DARS1: variants seen among roughly 807,000 people sequenced by gnomAD.
DARS1 encodes the protein aspartate--tRNA ligase, cytoplasmic.
DARS1 carries 51 observed loss-of-function variants against 68.8 expected under a neutral mutation model. The observed-to-expected ratio is 0.74, with a 90% CI of 0.59 to 0.94. The LOEUF (loss-of-function observed/expected upper bound fraction) is 0.94. DARS1 is among the 40% of genes least tolerant of loss of function. DARS1 has a pLI of 0.00. For missense variants in DARS1, 607 were observed against 597.3 expected, an observed-to-expected ratio of 1.02 and a Z score of -0.17; for synonymous variants, 203 against 190.4, an observed-to-expected ratio of 1.07 and a Z score of -0.55.
intron 3 of DARS1, among the ~76,000 whole-genome samples, chr2:135,965,406 A>G (rs1210433817): frequency 6.6e-6 from 1 of 152,214 alleles, no homozygotes; most frequent in Non-Finnish European, 1.5e-5. Flanking sequence ...GCAATAGACC[A>G]AAACAGATAA....
chr2:135,966,534 TTTTTG>T (rs996608129), intron 3 of DARS1, among the ~76,000 whole-genome samples: 10 of 152,268 alleles, frequency 6.6e-5, no homozygotes, highest in South Asian at 2.1e-4. Context: ...ATTTTATTTG[TTTTTG>T]TTTTGTTTTG....
At chr2:135,969,629 G>C (rs1263501310) in intron 3 of DARS1, among the ~76,000 whole-genome samples, 1 of 145,442 alleles carries the variant, frequency 6.9e-6, no homozygotes, top group African/African-American at 2.5e-5. Flanking sequence ...AAAAAAAAAA[G>C]CCACCCGCAC....
chr2:135,913,290 C>T (rs1477936962), intron 12 of DARS1, among the ~76,000 whole-genome samples: 1 of 152,014 alleles, frequency 6.6e-6, no homozygotes, highest in African/African-American at 2.4e-5. Flanking sequence ...CATTGAAAAA[C>T]ATGGATTATC....
intron 4 of DARS1, among the ~76,000 whole-genome samples, chr2:135,958,335 A>C (rs1682021959): frequency 6.6e-6 from 1 of 152,196 alleles, no homozygotes; most frequent in African/African-American, 2.4e-5. Context: ...TAAACAAGTG[A>C]CCTCAAAGAT....
intron 5 of DARS1, among the ~76,000 whole-genome samples, chr2:135,939,578 C>T (rs1195699217): frequency 6.6e-6 from 1 of 151,844 alleles, no homozygotes; most frequent in Admixed American, 6.6e-5. Flanking sequence ...AAATTGACAC[C>T]CTAACATCAC....
In DARS1 at chr2:135,923,136, C is replaced by A. The variant is rs1575386545; in HGVS notation, c.677-218G>T. 3.9e-5 allele frequency among the ~76,000 whole-genome samples: 6 copies of A among 152,192 alleles called. No homozygotes were observed. In the Middle Eastern group the frequency reaches 0.014, roughly 345 times the overall value. On this transcript the variant is annotated intron_variant, in intron 8 of 15. Coordinates refer to ENST00000264161, the MANE Select transcript of DARS1 (RefSeq NM_001349.4). ...TACTTCTTTGGCTATGCTTTTATTTCACTTCTGTGGATATATATGCTCCCT... is the reference window on the plus strand; with the variant it reads ...TACTTCTTTGGCTATGCTTTTATTTAACTTCTGTGGATATATATGCTCCCT...
intron 5 of DARS1, 33 bp from the exon 6 acceptor site, chr2:135,934,023 A>C: frequency 6.3e-7 from 1 of 1,599,184 alleles, no homozygotes; most frequent in Non-Finnish European, 8.5e-7. Flanking sequence ...AATAGTAGAA[A>C]GCACACAAAA....
chr2:135,920,484 T>G lies in DARS1; in HGVS notation c.928A>C (p.Met310Leu). Residue 310 changes from methionine (M) to leucine (L), a missense_variant, in exon 10 of 16, where the codon ATG (methionine) becomes CTG (leucine). Met to Leu is a conservative substitution (Grantham distance 15). Coordinates refer to ENST00000264161, the MANE Select transcript of DARS1 (RefSeq NM_001349.4). Reference sequence around the variant, plus strand: ...TGAAGTCCTTTGAATATTTGTACCATGGTGTCAGCAATTTCTTCCATAACT... The same window carrying G: ...TGAAGTCCTTTGAATATTTGTACCAGGGTGTCAGCAATTTCTTCCATAACT... ...HEVMEEIADT[M>L]VQIFKGLQER... 1 of 1,613,648 alleles carries G rather than the reference T, an allele frequency of 6.2e-7. No homozygotes were observed. The highest frequency in any genetic ancestry group is 8.5e-7 in the Non-Finnish European group (1 of 1,179,778).
At chr2:135,947,474 T>G (rs760984919) in intron 4 of DARS1, among the ~76,000 whole-genome samples, 4 of 151,898 alleles carry the variant, frequency 2.6e-5, no homozygotes, top group Non-Finnish European at 5.9e-5. Flanking sequence ...ACTAAATCCC[T>G]AAAGTATTAT....
intron 4 of DARS1, among the ~76,000 whole-genome samples, chr2:135,954,244 A>G (rs765052545): frequency 1.6e-4 from 24 of 151,382 alleles, no homozygotes; most frequent in Non-Finnish European, 2.1e-4. Flanking sequence ...CCAGAATCTA[A>G]GAGACCTTAG....
At chr2:135,956,327 G>C (rs1443542583) in intron 4 of DARS1, among the ~76,000 whole-genome samples, 1 of 152,190 alleles carries the variant, frequency 6.6e-6, no homozygotes, top group Non-Finnish European at 1.5e-5. Context: ...AGAGTCAGTG[G>C]ATGGAAAATT....
rs1575401691 is a variant in DARS1 at position 135,959,235 on chromosome 2, T to C, written c.320+2161A>G. Among the ~76,000 whole-genome samples, 3 of 150,646 alleles carry C rather than the reference T, an allele frequency of 2.0e-5. No individual in the cohort carries two copies. In the South Asian group the frequency reaches 6.3e-4, roughly 32 times the overall value. On this transcript the variant is annotated intron_variant, in intron 4 of 15. Transcript: ENST00000264161. ...GGAGAAACCTCGTCTCTACTAAAAA[T>C]ACAAAAGTAGCTGGGCATGGTGGTG... is the stretch of plus-strand genomic sequence containing the variant.
rs1681419086 is a variant in DARS1, at chr2:135,934,346, G to A, written c.424-356C>T. ...TCAAAAAAGCTATGGTTAGGGGTTG[G>A]TGCTGTGGCTGACACCTATAATCTC... On this transcript the variant is annotated intron_variant, in intron 5 of 15. Coordinates refer to ENST00000264161, the MANE Select transcript of DARS1 (RefSeq NM_001349.4). Among the ~76,000 whole-genome samples the A allele has an allele frequency of 3.3e-5, 5 of 152,202 alleles. No individual in the cohort carries two copies. In the South Asian group the frequency reaches 1.0e-3, roughly 31 times the overall value.
At chr2:135,965,796 C>A (rs1408790046) in intron 3 of DARS1, among the ~76,000 whole-genome samples, 2 of 152,170 alleles carry the variant, frequency 1.3e-5, no homozygotes. Context: ...AAGCTTTCTA[C>A]GTTCAAAGCA....
In DARS1 at chr2:135,985,339, C is replaced by T. The variant is rs2104855121; in HGVS notation, c.66+64G>A. On this transcript the variant is annotated intron_variant, in intron 1 of 15. Transcript: ENST00000264161. ...CTGTAGGGCCCCACTCCCCCTCCTC[C>T]CTCCCTCGGCGCAGCCCGGCCCAGG... The T allele has an allele frequency of 6.3e-6, 10 of 1,576,426 alleles. 2 individuals are homozygous for T. The South Asian group carries it at 1.2e-4, about 18-fold the overall frequency.
intron 13 of DARS1, 76 bp downstream of exon 13, chr2:135,912,410 C>T (rs1161391435): frequency 3.0e-6 from 2 of 656,152 alleles, no homozygotes; most frequent in Non-Finnish European, 5.5e-6. Flanking sequence ...ACCATTATTC[C>T]TATTATACAA....
chr2:135,929,176 C>A (rs1260964671), intron 7 of DARS1, among the ~76,000 whole-genome samples: 1 of 152,170 alleles, frequency 6.6e-6, no homozygotes, highest in Non-Finnish European at 1.5e-5. Flanking sequence ...ATGCATTGGT[C>A]TTGAGGTCAA....
intron 5 of DARS1, among the ~76,000 whole-genome samples, chr2:135,934,420 G>A (rs551188708): frequency 2.0e-5 from 3 of 152,082 alleles, no homozygotes; most frequent in South Asian, 4.2e-4. Flanking sequence ...CCAGGAGTTC[G>A]AGACCAGGCT....
intron 10 of DARS1, among the ~76,000 whole-genome samples, chr2:135,917,016 A>G (rs1681019299): frequency 6.6e-6 from 1 of 152,054 alleles, no homozygotes; most frequent in Admixed American, 6.6e-5. Flanking sequence ...GTGAAACCCC[A>G]TCTCTACTAA....
Sources: gnomAD v4.1 joint callset for allele counts (sites outside exome capture counted in the v4.1 genomes callset) on GRCh38, gnomAD v4.1.1 for gene constraint, MANE v1.5 for transcripts, NCBI Gene and HGNC (gene_info 2026-07-23, HGNC 2026-07-21) for gene names.